Variants in DNAH3 observed in about 807,000 individuals in gnomAD.
The protein encoded by DNAH3 is axonemal beta dynein heavy chain 3.
Under a neutral mutation model 432.5 loss-of-function variants are expected in DNAH3, and 332 were observed. That is an observed-to-expected ratio of 0.77 (90% CI 0.70 to 0.84). The LOEUF (loss-of-function observed/expected upper bound fraction) is 0.84. Among genes scored for constraint, DNAH3 ranks in the 40% least tolerant of loss-of-function variants. The probability of loss-of-function intolerance (pLI) is 0.00; values close to 1 mark genes in which losing one functional copy is unlikely to be tolerated. For synonymous variants in DNAH3, 1,956 were observed against 1,900.2 expected (o/e 1.03, Z -0.76); for missense variants, 4,861 against 5,114.0 (o/e 0.95, Z 1.51).
In DNAH3 at chr16:20,975,430, G is replaced by A. The variant is rs1567562172; in HGVS notation, c.8077-15C>T. 3 of 1,609,146 alleles carry A rather than the reference G, an allele frequency of 1.9e-6. No homozygotes were observed. The highest frequency in any genetic ancestry group is 2.5e-6 in the Non-Finnish European group (3 of 1,177,488). ...ATAACCGCTACCTAGCAAGGAGAGAGGTGGGAGAAATCCAGGGTCAGCACT... is the reference window on the plus strand; with the variant it reads ...ATAACCGCTACCTAGCAAGGAGAGAAGTGGGAGAAATCCAGGGTCAGCACT... On this transcript the variant is annotated splice_polypyrimidine_tract_variant and intron_variant, in intron 50 of 61. Coordinates refer to ENST00000261383, the Ensembl canonical transcript of DNAH3.
At chr16:21,152,630 G>T (rs562573943) in intron 1 of DNAH3, among the ~76,000 whole-genome samples, 3 of 152,234 alleles carry the variant, frequency 2.0e-5, no homozygotes, top group South Asian at 4.1e-4. Context: ...GGCTGCGCAC[G>T]GCGCTTGCGG....
chr16:21,143,394 T>C (rs1433019764), intron 3 of DNAH3, among the ~76,000 whole-genome samples: 1 of 152,176 alleles, frequency 6.6e-6, no homozygotes, highest in Admixed American at 6.6e-5. Flanking sequence ...CATGTGAGCA[T>C]GCAGCAAGAA....
chr16:21,097,339 T>G lies in DNAH3; in HGVS notation c.2665+16A>C, dbSNP rs779394429. On this transcript the variant is annotated intron_variant, in intron 18 of 61. Transcript: ENST00000261383. ...CTCATCCCCATCTGTCCCAGCAGAG[T>G]GAGATCACCACATACCATTCATCCA... The G allele has an allele frequency of 9.3e-6, 15 of 1,612,966 alleles. No individual in the cohort carries two copies. In the Admixed American group the frequency reaches 2.5e-4, roughly 27 times the overall value.
chr16:20,987,604 T>A, intron 46 of DNAH3, 89 bp downstream of exon 46: 1 of 1,559,136 alleles, frequency 6.4e-7, no homozygotes, highest in South Asian at 1.2e-5. Flanking sequence ...AAGTGCCTAA[T>A]AAAAGTTAGC....
At chr16:21,105,958 G>T (rs1241442337) in intron 15 of DNAH3, among the ~76,000 whole-genome samples, 4 of 151,168 alleles carry the variant, frequency 2.6e-5, no homozygotes, top group Non-Finnish European at 4.4e-5. Context: ...GAGGCGGGCG[G>T]ATCATGAGGT....
Position 20,965,121 on chromosome 16 carries a change from C to A in DNAH3, c.8763G>T (p.Lys2921Asn). ...TCAGCTCTGCTCTTTTCTGGTTCAG[C>A]TTCTGCATCTGTGCAGCCAGCTTCC... The change falls in exon 53 of 62, where the codon AAG (lysine) becomes AAT (asparagine). Residue 2921 changes from lysine to asparagine, a missense_variant. Transcript: ENST00000261383. 4 of 1,614,178 alleles carry A rather than the reference C, an allele frequency of 2.5e-6. No homozygotes were observed. In the Admixed American group the frequency reaches 6.7e-5, roughly 27 times the overall value.
At position 20,994,686 on chromosome 16, in the gene DNAH3, C is replaced by T. The variant is rs557341464; in HGVS notation, c.6601+2597G>A. Among the ~76,000 whole-genome samples, 9 of 152,218 alleles carry T rather than the reference C, an allele frequency of 5.9e-5. No individual in the cohort carries two copies. The South Asian group carries it at 1.9e-3, about 32-fold the overall frequency. ...CAGACTTTGACAACCACTTATTCTA[C>T]TTTTTGTCTCTGTCAATTTGACTAC... On this transcript the variant is annotated intron_variant, in intron 44 of 61. Coordinates refer to ENST00000261383, the Ensembl canonical transcript of DNAH3.
At chr16:21,035,001 AGGT>A in intron 35 of DNAH3, among the ~76,000 whole-genome samples, 1 of 152,292 alleles carries the variant, frequency 6.6e-6, no homozygotes, top group South Asian at 2.1e-4. Flanking sequence ...GTTGACATTC[AGGT>A]GGTTTGAAAG....
chr16:20,975,204 TTCCC>T, intron 51 of DNAH3, 25 bp downstream of exon 51: 1 of 1,610,140 alleles, frequency 6.2e-7, no homozygotes. Context: ...GCAGCACCAG[TTCCC>T]TCCCTTTCTT....
chr16:20,953,894 A>G (rs577950936), intron 55 of DNAH3, among the ~76,000 whole-genome samples: 2 of 152,022 alleles, frequency 1.3e-5, no homozygotes, highest in East Asian at 3.9e-4. Flanking sequence ...ACAGGCTTGC[A>G]CCATTGTGCC....
At chr16:21,014,581 C>T (rs920974648) in intron 41 of DNAH3, among the ~76,000 whole-genome samples, 2 of 152,064 alleles carry the variant, frequency 1.3e-5, no homozygotes, top group Middle Eastern at 3.2e-3. Context: ...TTCTGTTCAG[C>T]ATCATACTGG....
intron 56 of DNAH3, 23 bp downstream of exon 56, chr16:20,952,410 G>A (rs1305543932): frequency 6.9e-7 from 1 of 1,455,142 alleles, no homozygotes; most frequent in Non-Finnish European, 9.7e-7. Flanking sequence ...GGTTTACAGT[G>A]GAAAAACTCC....
exon 53 of DNAH3, chr16:20,964,291 G>A (rs950355184): frequency 3.7e-6 from 6 of 1,614,024 alleles, no homozygotes; most frequent in South Asian, 1.1e-5. Context: ...GAGACCCAAG[G>A]GGGTGATCAT....
intron 48 of DNAH3, among the ~76,000 whole-genome samples, chr16:20,984,161 ATGTGTG>A (rs61445558): frequency 6.6e-6 from 1 of 150,610 alleles, no homozygotes; most frequent in Non-Finnish European, 1.5e-5. Flanking sequence ...CCTTATCCCA[ATGTGTG>A]TGTGTGTGTG....
At chr16:21,106,649 C>T (rs1031170976) in exon 15 of DNAH3, 24 of 1,599,690 alleles carry the variant, frequency 1.5e-5, no homozygotes, top group Admixed American at 3.3e-5. Context: ...ACTTTGTCTG[C>T]GATGTGGCTG....
At chr16:20,989,027 G>T (rs940649942) in intron 44 of DNAH3, among the ~76,000 whole-genome samples, 1 of 152,188 alleles carries the variant, frequency 6.6e-6, no homozygotes, top group African/African-American at 2.4e-5. Context: ...AAGCAGTGTG[G>T]ACCCACAGAG....
At chr16:21,114,487 A>G (rs1310262532) in intron 12 of DNAH3, among the ~76,000 whole-genome samples, 2 of 152,190 alleles carry the variant, frequency 1.3e-5, no homozygotes, top group Non-Finnish European at 2.9e-5. Context: ...CCAAGAGGTG[A>G]TCAACACTTT....
At chr16:20,991,143 C>T (rs1317249026) in intron 44 of DNAH3, among the ~76,000 whole-genome samples, 2 of 152,204 alleles carry the variant, frequency 1.3e-5, no homozygotes, top group Non-Finnish European at 2.9e-5. Flanking sequence ...AAAGTTATCA[C>T]TCTTCTGACT....
At chr16:21,135,491 G>A (rs765164652) in intron 6 of DNAH3, among the ~76,000 whole-genome samples, 1 of 152,054 alleles carries the variant, frequency 6.6e-6, no homozygotes, top group African/African-American at 2.4e-5. Flanking sequence ...TCATGAATTC[G>A]AGACCAGACT....
Sources: gnomAD v4.1 joint callset for allele counts (sites outside exome capture counted in the v4.1 genomes callset) on GRCh38, gnomAD v4.1.1 for gene constraint, MANE v1.5 for transcripts, NCBI Gene and HGNC (gene_info 2026-07-23, HGNC 2026-07-21) for gene names.